KITLG: variants seen among roughly 807,000 people sequenced by gnomAD.
KITLG encodes KIT ligand, also known as c-Kit ligand.
KITLG carries 13 observed loss-of-function variants against 34.1 expected under a neutral mutation model. The observed-to-expected ratio is 0.38, with a 90% CI of 0.25 to 0.61. The LOEUF (loss-of-function observed/expected upper bound fraction) is 0.61. KITLG is among the 20% of genes least tolerant of loss of function. KITLG has a pLI of 0.60. For missense variants in KITLG, 292 were observed against 318.9 expected, an observed-to-expected ratio of 0.92 and a Z score of 0.64; for synonymous variants, 110 against 104.0, an observed-to-expected ratio of 1.06 and a Z score of -0.35.
chr12:88,551,793 C>T (rs2096573768), intron 1 of KITLG, among the ~76,000 whole-genome samples: 2 of 152,126 alleles, frequency 1.3e-5, no homozygotes, highest in Admixed American at 1.3e-4. Context: ...CTTGTGAATA[C>T]ATCACCACAC....
rs144980452 is a variant in KITLG at position 88,536,157 on chromosome 12, C to T, written c.130-3654G>A. ...AAATATTTGTAAACTATGCATCCAA[C>T]AAAGATCTAATATCCAGAATCTATA... On this transcript the variant is annotated intron_variant, in intron 2 of 9. Coordinates refer to ENST00000644744, the MANE Select transcript of KITLG (RefSeq NM_000899.5). Among the ~76,000 whole-genome samples, 727 of 152,182 alleles carry T rather than the reference C, an allele frequency of 4.8e-3. 7 individuals are homozygous for T. Among genetic ancestry groups the T allele is most frequent in the African/African-American group, 0.017 (706 of 41,514 alleles).
intron 7 of KITLG, among the ~76,000 whole-genome samples, chr12:88,506,662 T>C (rs1473743572): frequency 6.6e-6 from 1 of 152,210 alleles, no homozygotes; most frequent in Non-Finnish European, 1.5e-5. Flanking sequence ...TTTTTGCACA[T>C]TTTAAAATTT....
intron 9 of KITLG, among the ~76,000 whole-genome samples, chr12:88,498,240 GT>G (rs1719128469): frequency 6.6e-6 from 1 of 152,060 alleles, no homozygotes; most frequent in African/African-American, 2.4e-5. Context: ...ACAGATCACT[GT>G]TTTTAAAGTA....
intron 6 of KITLG, among the ~76,000 whole-genome samples, chr12:88,511,078 A>G (rs1425900633): frequency 6.6e-6 from 1 of 152,198 alleles, no homozygotes; most frequent in African/African-American, 2.4e-5. Context: ...TTTAAAAAGG[A>G]AGAAAAAAGA....
intron 3 of KITLG, among the ~76,000 whole-genome samples, chr12:88,528,203 C>G (rs562487431): frequency 1.3e-5 from 2 of 152,198 alleles, no homozygotes; most frequent in Non-Finnish European, 2.9e-5. Context: ...GTGAATCCCT[C>G]TTCCATCTTT....
intron 3 of KITLG, among the ~76,000 whole-genome samples, chr12:88,524,779 T>C (rs1869804532): frequency 6.6e-6 from 1 of 152,220 alleles, no homozygotes; most frequent in Admixed American, 6.5e-5. Flanking sequence ...TTTAATGTCA[T>C]ATTTTATTCA....
At chr12:88,500,450 T>A (rs1387987299) in intron 9 of KITLG, among the ~76,000 whole-genome samples, 1 of 152,234 alleles carries the variant, frequency 6.6e-6, no homozygotes, top group East Asian at 1.9e-4. Flanking sequence ...ATGTCTGATT[T>A]CCTTTTGTAG....
chr12:88,500,344 A>T (rs1868804221), intron 9 of KITLG, among the ~76,000 whole-genome samples: 1 of 152,220 alleles, frequency 6.6e-6, no homozygotes, highest in Admixed American at 6.5e-5. Flanking sequence ...ACTGTGTTGA[A>T]TTCACAACTT....
chr12:88,568,548 G>T, intron 1 of KITLG, among the ~76,000 whole-genome samples: 1 of 151,986 alleles, frequency 6.6e-6, no homozygotes. Flanking sequence ...GGGGCCTAGA[G>T]GAAGGAAATA....
intron 1 of KITLG, among the ~76,000 whole-genome samples, chr12:88,577,605 T>C (rs1871871866): frequency 6.7e-6 from 1 of 150,180 alleles, no homozygotes. Flanking sequence ...TCTAGAAAAC[T>C]GTAAAACCAC....
At chr12:88,565,004 C>A (rs544231200) in intron 1 of KITLG, among the ~76,000 whole-genome samples, 1 of 152,174 alleles carries the variant, frequency 6.6e-6, no homozygotes, top group South Asian at 2.1e-4. Flanking sequence ...TCTTCCTCCA[C>A]GCTTAATCTC....
intron 1 of KITLG, among the ~76,000 whole-genome samples, chr12:88,565,354 C>T (rs1052265974): frequency 6.6e-6 from 1 of 152,084 alleles, no homozygotes; most frequent in African/African-American, 2.4e-5. Context: ...CGGCTGGGCA[C>T]GGTGGCTCAG....
chr12:88,547,216 A>G (rs1200034877), intron 1 of KITLG, among the ~76,000 whole-genome samples: 1 of 152,196 alleles, frequency 6.6e-6, no homozygotes, highest in Non-Finnish European at 1.5e-5. Flanking sequence ...AAGGAACTGG[A>G]TTATTATTTT....
chr12:88,504,021 G>A (rs982876465), intron 9 of KITLG, among the ~76,000 whole-genome samples: 1 of 151,932 alleles, frequency 6.6e-6, no homozygotes, highest in African/African-American at 2.4e-5. Flanking sequence ...TATTCTATTA[G>A]TAATACTTAA....
At chr12:88,502,000 C>A (rs1177019897) in intron 9 of KITLG, among the ~76,000 whole-genome samples, 1 of 152,044 alleles carries the variant, frequency 6.6e-6, no homozygotes, top group African/African-American at 2.4e-5. Flanking sequence ...GATGTCCTAC[C>A]AAGTGTCATA....
chr12:88,540,434 A>G, intron 2 of KITLG, among the ~76,000 whole-genome samples: 1 of 152,170 alleles, frequency 6.6e-6, no homozygotes, highest in East Asian at 1.9e-4. Flanking sequence ...TAAGGTTATG[A>G]AAAGTAAAGG....
chr12:88,526,675 G>A (rs1260395107), intron 3 of KITLG, among the ~76,000 whole-genome samples: 1 of 152,032 alleles, frequency 6.6e-6, no homozygotes, highest in Non-Finnish European at 1.5e-5. Context: ...GTTTCCAGTA[G>A]AACAATTTGG....
intron 1 of KITLG, among the ~76,000 whole-genome samples, chr12:88,557,823 T>C (rs1309562439): frequency 1.3e-5 from 2 of 152,152 alleles, no homozygotes; most frequent in African/African-American, 2.4e-5. Flanking sequence ...TTTACTCTTA[T>C]GCCAACTAGC....
intron 1 of KITLG, among the ~76,000 whole-genome samples, chr12:88,579,206 A>G (rs1023795888): frequency 2.2e-4 from 34 of 152,194 alleles, no homozygotes; most frequent in Non-Finnish European, 8.8e-5. Context: ...TTCATTCTAC[A>G]CCAACGATGT....
Sources: allele counts gnomAD v4.1 joint callset (sites outside exome capture counted in the v4.1 genomes callset), GRCh38; gene constraint gnomAD v4.1.1; transcripts MANE v1.5; gene names NCBI Gene and HGNC (gene_info 2026-07-23, HGNC 2026-07-21).